The following SMOC2 variants were observed in gnomAD, a reference collection of about 807,000 sequenced individuals.
SMOC2 encodes the protein SPARC-related modular calcium-binding protein 2.
In SMOC2, 39 loss-of-function variants were observed where a neutral mutation model predicts 61.4. The observed-to-expected ratio is 0.64, with a 90% confidence interval of 0.49 to 0.83. The LOEUF (loss-of-function observed/expected upper bound fraction) is 0.83. Among genes scored for constraint, SMOC2 ranks in the 40% least tolerant of loss-of-function variants. The pLI is 0.00. For missense variants in SMOC2, 556 were observed against 592.9 expected (o/e 0.94, Z 0.65); for synonymous variants, 247 against 239.9 (o/e 1.03, Z -0.27).
chr6:168,663,958 T>C lies in SMOC2; in HGVS notation c.1286-116T>C, dbSNP rs1787586721. ...GTGGTTTTTTTCATATAAATGAGTTTGCCAATTGATAACACCTTCCTAAAG... is the reference window on the plus strand; with the variant it reads ...GTGGTTTTTTTCATATAAATGAGTTCGCCAATTGATAACACCTTCCTAAAG... On this transcript the variant is annotated intron_variant, in intron 11 of 12. Coordinates refer to ENST00000356284, the MANE Select transcript of SMOC2 (RefSeq NM_001166412.2). The C allele has an allele frequency of 3.7e-6, 3 of 801,820 alleles. No homozygotes were observed. In the South Asian group the frequency reaches 5.1e-5, roughly 14 times the overall value. The allele number at this position is 801,820 out of a possible 1,614,324, so 49.7% of individuals were successfully genotyped here.
At chr6:168,530,510 TA>T (rs1227005398) in intron 4 of SMOC2, among the ~76,000 whole-genome samples, 7 of 151,992 alleles carry the variant, frequency 4.6e-5, no homozygotes, top group African/African-American at 1.7e-4. Flanking sequence ...TGATGACCAG[TA>T]AAGGCAGGAA....
rs1583087701 is a variant in SMOC2 at position 168,533,676 on chromosome 6, A to G, written c.463+5949A>G. ...AGAGCCTGTGCCTTGGAGAGAATCC[A>G]GCTTGCTGTTTGTCTCCACCTCAAA... On this transcript the variant is annotated intron_variant, in intron 4 of 12. Coordinates refer to ENST00000356284, the MANE Select transcript of SMOC2 (RefSeq NM_001166412.2). Among the ~76,000 whole-genome samples, 5 of 152,330 alleles carry G rather than the reference A, an allele frequency of 3.3e-5. 1 individual carries two copies. The highest frequency in any genetic ancestry group is 3.3e-4 in the Admixed American group (5 of 15,308).
chr6:168,639,925 G>T (rs1389975153), intron 9 of SMOC2, among the ~76,000 whole-genome samples: 1 of 152,212 alleles, frequency 6.6e-6, no homozygotes, highest in Non-Finnish European at 1.5e-5. Flanking sequence ...GGGAGCCCTC[G>T]GTTCATGTGC....
At chr6:168,467,691 G>A (rs904682670) in intron 1 of SMOC2, among the ~76,000 whole-genome samples, 1 of 152,118 alleles carries the variant, frequency 6.6e-6, no homozygotes, top group African/African-American at 2.4e-5. Flanking sequence ...CTGGGCTCAG[G>A]CAATCTTCCC....
At chr6:168,527,803 G>A in intron 4 of SMOC2, 76 bp downstream of exon 4, 1 of 1,001,478 alleles carries the variant, frequency 1.0e-6, no homozygotes, top group Non-Finnish European at 1.5e-6. Flanking sequence ...ATCTTCCCTG[G>A]GTTTACTGAT....
intron 2 of SMOC2, among the ~76,000 whole-genome samples, chr6:168,515,746 G>T (rs1222217926): frequency 8.8e-5 from 4 of 45,578 alleles, no homozygotes; most frequent in Admixed American, 6.7e-4. Context: ...GGCTCCTGGG[G>T]AGCAGGAGCA....
chr6:168,640,406 C>T (rs905790194), intron 9 of SMOC2, among the ~76,000 whole-genome samples: 1 of 152,154 alleles, frequency 6.6e-6, no homozygotes, highest in African/African-American at 2.4e-5. Context: ...GGGGCTGCTG[C>T]AGACGCTGAG....
chr6:168,580,082 A>G (rs1183479115), intron 7 of SMOC2, among the ~76,000 whole-genome samples: 1 of 151,512 alleles, frequency 6.6e-6, no homozygotes, highest in Admixed American at 6.6e-5. Flanking sequence ...TGTCTTTGTC[A>G]CGGCTTAAGA....
intron 9 of SMOC2, among the ~76,000 whole-genome samples, chr6:168,609,369 G>C (rs1274828835): frequency 6.6e-6 from 1 of 152,118 alleles, no homozygotes; most frequent in Non-Finnish European, 1.5e-5. Context: ...TTTTTAATGA[G>C]AGTATGGTCC....
chr6:168,556,875 A>G (rs1443355353), intron 7 of SMOC2, among the ~76,000 whole-genome samples: 2 of 150,762 alleles, frequency 1.3e-5, no homozygotes, highest in African/African-American at 4.9e-5. Flanking sequence ...CATCTGTGAA[A>G]TTCCTCCTGC....
chr6:168,660,913 T>A (rs922430278), intron 11 of SMOC2, among the ~76,000 whole-genome samples: 8 of 152,210 alleles, frequency 5.3e-5, no homozygotes, highest in African/African-American at 1.7e-4. Context: ...AAGTTAGAGT[T>A]CTCTTCTTCA....
At chr6:168,554,676 G>T (rs1179544104) in intron 7 of SMOC2, among the ~76,000 whole-genome samples, 1 of 152,232 alleles carries the variant, frequency 6.6e-6, no homozygotes, top group African/African-American at 2.4e-5. Context: ...AGACTTTGTG[G>T]CTGGCAGTTA....
intron 7 of SMOC2, among the ~76,000 whole-genome samples, chr6:168,556,126 G>T (rs898945061): frequency 6.6e-6 from 1 of 152,154 alleles, no homozygotes; most frequent in Non-Finnish European, 1.5e-5. Flanking sequence ...CTCCCCGCAC[G>T]GGGAAGCTGA....
At chr6:168,628,511 C>T (rs1729331354) in intron 9 of SMOC2, among the ~76,000 whole-genome samples, 1 of 152,228 alleles carries the variant, frequency 6.6e-6, no homozygotes, top group African/African-American at 2.4e-5. Flanking sequence ...AGATACTAAA[C>T]ACAGCTTCCA....
At position 168,549,964 on chromosome 6, in the gene SMOC2, G is replaced by A. The variant is rs1246938979; in HGVS notation, c.637+761G>A. Among the ~76,000 whole-genome samples, 4 of 152,174 alleles carry A rather than the reference G, an allele frequency of 2.6e-5. No individual in the cohort carries two copies. The East Asian group carries it at 7.7e-4, about 29-fold the overall frequency. ...TGCATTTTGTTTGCTATAAAGCAGT[G>A]TTTGAGAGAACTTTCACCTTTTAAA... On this transcript the variant is annotated intron_variant, in intron 7 of 12. Coordinates refer to ENST00000356284, the MANE Select transcript of SMOC2 (RefSeq NM_001166412.2).
At chr6:168,469,391 T>A (rs530399996) in intron 1 of SMOC2, among the ~76,000 whole-genome samples, 3 of 152,326 alleles carry the variant, frequency 2.0e-5, no homozygotes, top group African/African-American at 7.2e-5. Context: ...AGGGACAGGC[T>A]TTGCTAGGGG....
chr6:168,580,039 A>T (rs1425026300), intron 7 of SMOC2, among the ~76,000 whole-genome samples: 1 of 151,094 alleles, frequency 6.6e-6, no homozygotes, highest in East Asian at 2.0e-4. Context: ...AGGCATTCCC[A>T]TCAGGGGCTC....
At chr6:168,504,474 T>TG (rs750995516) in intron 1 of SMOC2, among the ~76,000 whole-genome samples, 1 of 151,166 alleles carries the variant, frequency 6.6e-6, no homozygotes, top group Non-Finnish European at 1.5e-5. Flanking sequence ...ACCCCTCAGA[T>TG]GCGCAGTTCA....
At chr6:168,558,890 T>C (rs1356986472) in intron 7 of SMOC2, among the ~76,000 whole-genome samples, 3 of 151,894 alleles carry the variant, frequency 2.0e-5, no homozygotes, top group Non-Finnish European at 4.4e-5. Flanking sequence ...CGTGTGTGCG[T>C]GTGCATGTGT....
Sources: allele counts gnomAD v4.1 joint callset (sites outside exome capture counted in the v4.1 genomes callset), GRCh38; gene constraint gnomAD v4.1.1; transcripts MANE v1.5; gene names NCBI Gene and HGNC (gene_info 2026-07-23, HGNC 2026-07-21).